CFHR4: variants seen among roughly 807,000 people sequenced by gnomAD.
CFHR4 encodes the protein complement factor H related 4, also known as complement factor H-related protein 4.
Under a neutral mutation model 69.3 loss-of-function variants are expected in CFHR4, and 64 were observed. That is an observed-to-expected ratio of 0.92 (90% CI 0.76 to 1.14). The LOEUF (loss-of-function observed/expected upper bound fraction) is 1.14. CFHR4 is among the 50% of genes most tolerant of loss of function. CFHR4 has a pLI of 0.00. For synonymous variants in CFHR4, 244 were observed against 237.0 expected (o/e 1.03, Z -0.27); for missense variants, 636 against 684.9 (o/e 0.93, Z 0.80).
At chr1:196,904,520 A>G (rs1298814351) in intron 2 of CFHR4, among the ~76,000 whole-genome samples, 2 of 151,572 alleles carry the variant, frequency 1.3e-5, no homozygotes, top group Non-Finnish European at 2.9e-5. Context: ...CATTGATAAT[A>G]TATAAAGAAC....
intron 5 of CFHR4, 74 bp from the exon 6 acceptor site, chr1:196,910,207 A>T: frequency 2.3e-6 from 2 of 851,536 alleles, no homozygotes; most frequent in Non-Finnish European, 3.4e-6. Context: ...TAACATAATC[A>T]AAACAGTCAT....
At chr1:196,905,424 A>C in intron 3 of CFHR4, 134 bp downstream of exon 3, 1 of 1,285,294 alleles carries the variant, frequency 7.8e-7, no homozygotes, top group East Asian at 2.6e-5. Context: ...ATCATCTAAC[A>C]TTCTGTGCCA....
chr1:196,894,182 A>G (rs1476712990), intron 1 of CFHR4, among the ~76,000 whole-genome samples: 1 of 151,612 alleles, frequency 6.6e-6, no homozygotes, highest in Admixed American at 6.6e-5. Context: ...AAAACTTAAT[A>G]ATTCACTTAA....
intron 1 of CFHR4, 127 bp downstream of exon 1, chr1:196,888,335 G>A (rs1306920237): frequency 1.1e-6 from 1 of 881,290 alleles, no homozygotes; most frequent in Non-Finnish European, 1.8e-6. Context: ...AGCAGAAGTA[G>A]CATATTTTGT....
chr1:196,888,208 G>A lies in CFHR4; in HGVS notation c.58G>A (p.Glu20Lys). The A allele has an allele frequency of 6.2e-7, 1 of 1,610,862 alleles. No individual in the cohort carries two copies. ...GTGGGTTTCCTGTGCTAATGGACAAGGTAAGTTGAAAGAGATCTAAACACT... is the reference window on the plus strand; with the variant it reads ...GTGGGTTTCCTGTGCTAATGGACAAAGTAAGTTGAAAGAGATCTAAACACT... Reference protein sequence around the residue: ...TLWVSCANGQEVKPCDFPEIQ... With the variant: ...TLWVSCANGQKVKPCDFPEIQ... Residue 20 changes from glutamate to lysine, a missense_variant and splice_region_variant, in exon 1 of 10, where the codon GAA becomes AAA. Glu to Lys is a moderately conservative substitution (Grantham distance 56). Transcript: ENST00000608469.
In CFHR4 at chr1:196,907,046, T is replaced by C. The variant is rs778259654; in HGVS notation, c.616+9T>C. The C allele has an allele frequency of 1.9e-6, 3 of 1,597,974 alleles. No individual in the cohort carries two copies. Among genetic ancestry groups the C allele is most frequent in the Non-Finnish European group, 2.6e-6 (3 of 1,171,304 alleles). On this transcript the variant is annotated intron_variant, in intron 4 of 9. Coordinates refer to ENST00000608469, the MANE Select transcript of CFHR4 (RefSeq NM_001201550.3). ...TTTGCCAACATGCTATAGTAAGTATTTTATTCAAGTATTTCTTTTTACTAG... is the reference window on the plus strand; with the variant it reads ...TTTGCCAACATGCTATAGTAAGTATCTTATTCAAGTATTTCTTTTTACTAG...
chr1:196,903,786 T>C (rs955787086), intron 2 of CFHR4, among the ~76,000 whole-genome samples: 3 of 151,464 alleles, frequency 2.0e-5, no homozygotes, highest in Middle Eastern at 6.8e-3. Flanking sequence ...AGTGAATGCA[T>C]TGATTTAAGT....
chr1:196,894,889 A>AAACAACAACAACAACAACAACAACAAC (rs56866921), intron 1 of CFHR4, among the ~76,000 whole-genome samples: 1 of 148,954 alleles, frequency 6.7e-6, no homozygotes, highest in African/African-American at 2.5e-5. Context: ...CTGTCTCTAA[A>AAACAACAACAACAACAACAACAACAAC]AACAACAACA....
intron 6 of CFHR4, among the ~76,000 whole-genome samples, 163 bp downstream of exon 6, chr1:196,910,641 A>G (rs1480286571): frequency 6.6e-6 from 1 of 151,532 alleles, no homozygotes; most frequent in Admixed American, 6.6e-5. Context: ...TGAGACCTTC[A>G]TGAAAATCAC....
At chr1:196,911,666 A>G (rs1270366296) in intron 6 of CFHR4, among the ~76,000 whole-genome samples, 1 of 151,504 alleles carries the variant, frequency 6.6e-6, no homozygotes, top group East Asian at 1.9e-4. Context: ...ATGAAAGACA[A>G]TGGGAATCTT....
At chr1:196,900,957 G>A (rs1030747711) in intron 1 of CFHR4, among the ~76,000 whole-genome samples, 2 of 151,272 alleles carry the variant, frequency 1.3e-5, no homozygotes, top group African/African-American at 4.9e-5. Flanking sequence ...CAACATGCAA[G>A]GATTCAAAGT....
intron 1 of CFHR4, among the ~76,000 whole-genome samples, chr1:196,889,408 TA>T (rs1173384441): frequency 6.6e-6 from 1 of 151,444 alleles, no homozygotes; most frequent in Non-Finnish European, 1.5e-5. Flanking sequence ...AGCAGAAAAA[TA>T]GAGAAAAACA....
chr1:196,902,713 A>T (rs1054171192), intron 2 of CFHR4, 98 bp downstream of exon 2: 1 of 909,590 alleles, frequency 1.1e-6, no homozygotes, highest in African/African-American at 1.7e-5. Flanking sequence ...CAGAAATAGG[A>T]CCAAAGGAAG....
chr1:196,907,901 C>G lies in CFHR4; in HGVS notation c.799+403C>G, dbSNP rs143326630. ...AAAAACCATGGATGTGGAACCAACC[C>G]AAATGTCCAGACCCAAATGACAGAC... On this transcript the variant is annotated intron_variant, in intron 5 of 9. Transcript: ENST00000608469. 6.8e-3 allele frequency among the ~76,000 whole-genome samples: 1,035 copies of G among 151,224 alleles called. 45 individuals are homozygous for G. Among genetic ancestry groups the G allele is most frequent in the African/African-American group, 0.024 (993 of 40,984 alleles).
intron 5 of CFHR4, among the ~76,000 whole-genome samples, chr1:196,909,839 T>C (rs935545234): frequency 2.0e-5 from 3 of 150,732 alleles, no homozygotes; most frequent in Admixed American, 6.6e-5. Flanking sequence ...AAAATAATTA[T>C]AAAATTTAAA....
At chr1:196,908,491 C>T (rs1658039241) in intron 5 of CFHR4, among the ~76,000 whole-genome samples, 1 of 151,260 alleles carries the variant, frequency 6.6e-6, no homozygotes, top group African/African-American at 2.4e-5. Context: ...AATGCCAATG[C>T]TTTCTGTTTT....
intron 2 of CFHR4, among the ~76,000 whole-genome samples, chr1:196,904,442 G>A: frequency 6.6e-6 from 1 of 151,304 alleles, no homozygotes; most frequent in East Asian, 1.9e-4. Context: ...TAATAAGTTA[G>A]AACATACGCA....
At chr1:196,913,055 C>T (rs979986049) in intron 7 of CFHR4, 133 bp downstream of exon 7, 42 of 1,445,068 alleles carry the variant, frequency 2.9e-5, no homozygotes, top group Non-Finnish European at 1.8e-5. Flanking sequence ...AACCATTCAA[C>T]ATTCTGTGCC....
rs750612667 is a variant in CFHR4, at chr1:196,888,062, T to A, written c.-89T>A. 116 of 1,363,344 alleles carry A rather than the reference T, an allele frequency of 8.5e-5. No individual in the cohort carries two copies. Among genetic ancestry groups the A allele is most frequent in the Non-Finnish European group, 1.2e-4 (114 of 959,848 alleles). 84.5% of individuals were successfully genotyped at this position (1,363,344 alleles called of 1,614,324 possible). A position where few individuals can be genotyped will look rare whatever the true frequency, so the allele number is the denominator to read the frequency against. On this transcript the variant is annotated 5_prime_UTR_variant, in exon 1 of 10. Transcript: ENST00000608469. ...TGTGGTAGTGCACTTAAATTCAGAA[T>A]CACACTTGGTAACTAATAATGAAAG...
Sources: allele counts gnomAD v4.1 joint callset (sites outside exome capture counted in the v4.1 genomes callset), GRCh38; gene constraint gnomAD v4.1.1; transcripts MANE v1.5; gene names NCBI Gene and HGNC (gene_info 2026-07-23, HGNC 2026-07-21).